The following ACSS3 variants were observed in gnomAD, a reference collection of about 807,000 sequenced individuals.
ACSS3 encodes acyl-CoA synthetase short chain family member 3.
In ACSS3, 64 loss-of-function variants were observed where a neutral mutation model predicts 84.2. That is an observed-to-expected ratio of 0.76 (90% confidence interval 0.62 to 0.94). The LOEUF (loss-of-function observed/expected upper bound fraction) is 0.94. ACSS3 is among the 40% of genes least tolerant of loss of function. The probability of loss-of-function intolerance (pLI) is 0.00; values close to 1 mark genes in which losing one functional copy is unlikely to be tolerated. For synonymous variants in ACSS3, 317 were observed against 310.1 expected, an observed-to-expected ratio of 1.02 and a Z score of -0.23; for missense variants, 815 against 867.6, an observed-to-expected ratio of 0.94 and a Z score of 0.76.
chr12:81,084,102 A>G (rs1593016626), intron 1 of ACSS3, among the ~76,000 whole-genome samples: 1 of 152,112 alleles, frequency 6.6e-6, no homozygotes, highest in South Asian at 2.1e-4. Context: ...CACTGTCCTC[A>G]CCCCTATTGC....
At chr12:81,131,182 A>T (rs1223599034) in intron 2 of ACSS3, among the ~76,000 whole-genome samples, 1 of 152,146 alleles carries the variant, frequency 6.6e-6, no homozygotes, top group African/African-American at 2.4e-5. Flanking sequence ...TGGTAGCTTT[A>T]TGGGGATGGC....
At chr12:81,151,951 C>T (rs1886630787) in intron 6 of ACSS3, 27 bp downstream of exon 6, 1 of 1,612,910 alleles carries the variant, frequency 6.2e-7, no homozygotes, top group Non-Finnish European at 8.5e-7. Flanking sequence ...ATTTACATTA[C>T]ATGACATTCT....
intron 8 of ACSS3, among the ~76,000 whole-genome samples, chr12:81,194,429 T>TA (rs749154176): frequency 2.6e-5 from 4 of 151,926 alleles, no homozygotes; most frequent in Non-Finnish European, 5.9e-5. Context: ...AATAAATGGA[T>TA]AGTTTCTAGC....
intron 1 of ACSS3, among the ~76,000 whole-genome samples, chr12:81,099,765 G>T (rs371637277): frequency 5.3e-5 from 8 of 151,810 alleles, no homozygotes; most frequent in Non-Finnish European, 5.9e-5. Context: ...TATTTGAATA[G>T]TAAATACATA....
At chr12:81,233,503 T>C (rs1345170381) in intron 13 of ACSS3, 32 bp downstream of exon 13, 7 of 1,608,284 alleles carry the variant, frequency 4.4e-6, no homozygotes, top group Non-Finnish European at 6.0e-6. Flanking sequence ...CTATTCCAAG[T>C]AGTGCTTAGG....
intron 11 of ACSS3, among the ~76,000 whole-genome samples, chr12:81,228,612 A>C (rs1013536836): frequency 6.6e-6 from 1 of 151,862 alleles, no homozygotes; most frequent in East Asian, 1.9e-4. Flanking sequence ...TTCTTTTAAA[A>C]ATAGAAGTTG....
intron 2 of ACSS3, among the ~76,000 whole-genome samples, chr12:81,127,350 A>T (rs984470649): frequency 4.6e-5 from 7 of 152,098 alleles, no homozygotes; most frequent in African/African-American, 1.7e-4. Flanking sequence ...AGAATAACTG[A>T]TTATTTTCAC....
At chr12:81,126,057 TTAGTC>T (rs1885071247) in intron 2 of ACSS3, among the ~76,000 whole-genome samples, 1 of 152,282 alleles carries the variant, frequency 6.6e-6, no homozygotes, top group South Asian at 2.1e-4. Context: ...GTTTTTCGGG[TTAGTC>T]TAAACTCGAT....
At chr12:81,107,058 A>G (rs1411380817) in intron 1 of ACSS3, among the ~76,000 whole-genome samples, 1 of 152,044 alleles carries the variant, frequency 6.6e-6, no homozygotes, top group Non-Finnish European at 1.5e-5. Flanking sequence ...TTTTTTAAGT[A>G]GAGATGTCCT....
chr12:81,156,220 C>CACAA (rs1886862453), intron 7 of ACSS3, among the ~76,000 whole-genome samples: 1 of 151,602 alleles, frequency 6.6e-6, no homozygotes, highest in Non-Finnish European at 1.5e-5. Context: ...CACACACACA[C>CACAA]ACACACACAC....
intron 7 of ACSS3, among the ~76,000 whole-genome samples, chr12:81,153,546 C>T (rs1387498719): frequency 1.3e-5 from 2 of 151,996 alleles, no homozygotes; most frequent in African/African-American, 2.4e-5. Flanking sequence ...TGCGGAGTTA[C>T]AGAGGGTTAT....
rs1252985423 is a variant in ACSS3 at position 81,107,523 on chromosome 12, T to C, written c.312-2037T>C. The stretch of plus-strand genomic sequence containing the variant: ...GTACAAATATATACATATATATATA[T>C]ATATATATATATATATATATATATA... On this transcript the variant is annotated intron_variant, in intron 1 of 15. Transcript: ENST00000548058. 4.4e-4 allele frequency among the ~76,000 whole-genome samples: 35 copies of C among 79,812 alleles called. 1 individual carries two copies. Among genetic ancestry groups the C allele is most frequent in the African/African-American group, 1.6e-3 (31 of 19,136 alleles). The allele number at this position is 79,812 out of a possible 152,430, so 52.4% of individuals were successfully genotyped here. A position where few individuals can be genotyped will look rare whatever the true frequency, so the allele number is the denominator to read the frequency against.
At chr12:81,096,151 A>T (rs1452441226) in intron 1 of ACSS3, among the ~76,000 whole-genome samples, 1 of 152,198 alleles carries the variant, frequency 6.6e-6, no homozygotes, top group Non-Finnish European at 1.5e-5. Flanking sequence ...TTTCTGTGCA[A>T]CAGTAGTCTT....
Position 81,164,526 on chromosome 12 carries a change from T to C in ACSS3, c.1099-10262T>C, listed in dbSNP as rs148885377. 1.4e-4 allele frequency among the ~76,000 whole-genome samples: 22 copies of C among 152,364 alleles called. 1 individual carries two copies. In the East Asian group the frequency reaches 3.5e-3, roughly 24 times the overall value. On this transcript the variant is annotated intron_variant, in intron 7 of 15. Coordinates refer to ENST00000548058, the MANE Select transcript of ACSS3 (RefSeq NM_024560.4). ...GCCATTTCCAAATATGCAAGTCTCA[T>C]ATTTGAAAATATTGAGGGTAGGAAC... is the stretch of plus-strand genomic sequence containing the variant.
Position 81,192,978 on chromosome 12 carries a change from G to A in ACSS3, c.1251-6363G>A, listed in dbSNP as rs117797151. On this transcript the variant is annotated intron_variant, in intron 8 of 15. Coordinates refer to ENST00000548058, the MANE Select transcript of ACSS3 (RefSeq NM_024560.4). ...CTTGAGAAAAAGAGAGAGATAGAGG[G>A]TTGTACTTGAAAAAGGGAGAGAGAG... 2.2e-3 allele frequency among the ~76,000 whole-genome samples: 340 copies of A among 152,196 alleles called. 1 individual carries two copies. Among genetic ancestry groups the A allele is most frequent in the Non-Finnish European group, 3.3e-3 (226 of 68,008 alleles).
At chr12:81,089,069 C>A (rs1881501584) in intron 1 of ACSS3, among the ~76,000 whole-genome samples, 1 of 151,816 alleles carries the variant, frequency 6.6e-6, no homozygotes, top group Non-Finnish European at 1.5e-5. Flanking sequence ...GATTTTCTGG[C>A]TTAAGGAAAA....
At chr12:81,229,334 ATC>A (rs987825173) in intron 11 of ACSS3, among the ~76,000 whole-genome samples, 2 of 151,866 alleles carry the variant, frequency 1.3e-5, no homozygotes, top group African/African-American at 4.8e-5. Context: ...CACTAATGTT[ATC>A]TCTCTTTGTC....
chr12:81,166,769 A>G (rs1887423255), intron 7 of ACSS3, among the ~76,000 whole-genome samples: 1 of 152,214 alleles, frequency 6.6e-6, no homozygotes, highest in South Asian at 2.1e-4. Context: ...TGTTTTGGAC[A>G]AAGAATTGGA....
At chr12:81,236,332 T>G (rs945134767) in intron 13 of ACSS3, among the ~76,000 whole-genome samples, 2 of 151,536 alleles carry the variant, frequency 1.3e-5, no homozygotes, top group African/African-American at 4.8e-5. Context: ...TGAATTACTG[T>G]TTTTATACAT....
Sources: allele counts gnomAD v4.1 joint callset (sites outside exome capture counted in the v4.1 genomes callset), GRCh38; gene constraint gnomAD v4.1.1; transcripts MANE v1.5; gene names NCBI Gene and HGNC (gene_info 2026-07-23, HGNC 2026-07-21).